Variants in FLVCR2 observed in about 807,000 individuals in gnomAD.
The protein encoded by FLVCR2 is choline/ethanolamine transporter FLVCR2.
In FLVCR2, 38 loss-of-function variants were observed where a neutral mutation model predicts 48.9. That is an observed-to-expected ratio of 0.78 (90% CI 0.60 to 1.02). The LOEUF (loss-of-function observed/expected upper bound fraction) is 1.02, where lower values mean the gene tolerates loss of function less well. FLVCR2 is among the 50% of genes least tolerant of loss of function. FLVCR2 has a pLI of 0.00. For synonymous variants in FLVCR2, 255 were observed against 257.0 expected (o/e 0.99, Z 0.07); for missense variants, 664 against 663.3 (o/e 1.00, Z -0.01).
chr14:75,591,844 TAC>T (rs1888891517), intron 1 of FLVCR2, among the ~76,000 whole-genome samples: 1 of 147,338 alleles, frequency 6.8e-6, no homozygotes, highest in Non-Finnish European at 1.5e-5. Flanking sequence ...CAAAGGGTCT[TAC>T]TCTGTCACCC....
At chr14:75,609,903 A>G in intron 1 of FLVCR2, among the ~76,000 whole-genome samples, 1 of 138,388 alleles carries the variant, frequency 7.2e-6, no homozygotes, top group East Asian at 2.5e-4. Context: ...GTTGGGGGGG[A>G]TAGATGGGGG....
rs762529776 is a variant in FLVCR2, at chr14:75,579,013, C to G, written c.41C>G (p.Thr14Ser). The change falls in exon 1 of 10, where the codon ACC (threonine) becomes AGC (serine). Residue 14 changes from threonine (T) to serine (S), a missense_variant. Coordinates refer to ENST00000238667, the MANE Select transcript of FLVCR2 (RefSeq NM_017791.3). The part of the protein sequence containing the change: ...EGPNQEESDD[T>S]PVPESALQAD... ...CCCAACCAGGAAGAGAGCGATGACACCCCTGTGCCGGAGTCCGCACTCCAA... is the reference window on the plus strand; with the variant it reads ...CCCAACCAGGAAGAGAGCGATGACAGCCCTGTGCCGGAGTCCGCACTCCAA... The G allele has an allele frequency of 4.3e-6, 7 of 1,614,116 alleles. No homozygotes were observed. Among genetic ancestry groups the G allele is most frequent in the African/African-American group, 1.3e-5 (1 of 75,024 alleles).
Position 75,641,229 on chromosome 14 carries a change from C to T in FLVCR2, c.1389C>T (p.Asn463=), listed in dbSNP as rs148765568. 9 of 1,613,928 alleles carry T rather than the reference C, an allele frequency of 5.6e-6. No individual in the cohort carries two copies. The African/African-American group carries it at 9.3e-5, about 17-fold the overall frequency. ...FTISQGQIID[N]YGTKPGNIFL... ...TCTCCCAGGGCCAGATTATTGACAA[C>T]TATGGAACCAAGCCTGGGAACATCT... The change falls in exon 8 of 10, where the codon AAC becomes AAT. Residue 463 remains asparagine, a synonymous_variant. Coordinates refer to ENST00000238667, the MANE Select transcript of FLVCR2 (RefSeq NM_017791.3).
At chr14:75,610,200 A>G (rs1324096347) in intron 1 of FLVCR2, among the ~76,000 whole-genome samples, 1 of 152,096 alleles carries the variant, frequency 6.6e-6, no homozygotes, top group Non-Finnish European at 1.5e-5. Context: ...AGCTAGAGGG[A>G]CATTAATGTA....
intron 9 of FLVCR2, 106 bp downstream of exon 9, chr14:75,642,004 G>A (rs1040657405): frequency 2.0e-6 from 2 of 1,022,840 alleles, no homozygotes; most frequent in Non-Finnish European, 3.1e-6. Flanking sequence ...GACTGGTTTT[G>A]TCATAGCTGG....
At chr14:75,638,373 G>A (rs752420380) in intron 5 of FLVCR2, among the ~76,000 whole-genome samples, 8 of 152,034 alleles carry the variant, frequency 5.3e-5, no homozygotes, top group Non-Finnish European at 1.2e-4. Flanking sequence ...GGAGGCAGAG[G>A]TTGCAGTGAG....
intron 9 of FLVCR2, among the ~76,000 whole-genome samples, chr14:75,644,650 G>C (rs1043988233): frequency 6.6e-6 from 1 of 152,160 alleles, no homozygotes; most frequent in Non-Finnish European, 1.5e-5. Context: ...GGGGGTCAAA[G>C]TCATGCTGGG....
chr14:75,601,575 T>C (rs1455492506), intron 1 of FLVCR2, among the ~76,000 whole-genome samples: 1 of 152,144 alleles, frequency 6.6e-6, no homozygotes, highest in African/African-American at 2.4e-5. Flanking sequence ...CTCTTTTGCA[T>C]TGCTGGTGGG....
chr14:75,582,566 A>G (rs889960682), intron 1 of FLVCR2, among the ~76,000 whole-genome samples: 1 of 152,230 alleles, frequency 6.6e-6, no homozygotes, highest in Non-Finnish European at 1.5e-5. Flanking sequence ...TGGCCAGCCT[A>G]AAACAGTAAG....
chr14:75,624,955 A>G (rs1219593361), intron 3 of FLVCR2, among the ~76,000 whole-genome samples: 1 of 149,668 alleles, frequency 6.7e-6, no homozygotes, highest in Non-Finnish European at 1.5e-5. Context: ...TTCCCATGTC[A>G]GGTTATCTGA....
intron 1 of FLVCR2, among the ~76,000 whole-genome samples, chr14:75,580,196 G>T (rs570113087): frequency 2.0e-5 from 3 of 152,332 alleles, no homozygotes; most frequent in South Asian, 4.1e-4. Context: ...GCCAAGTCCA[G>T]CAGGATGGAG....
At chr14:75,617,918 C>A (rs1211109268) in intron 1 of FLVCR2, among the ~76,000 whole-genome samples, 7 of 152,136 alleles carry the variant, frequency 4.6e-5, no homozygotes, top group Admixed American at 6.6e-5. Context: ...CATTGACTAG[C>A]TGAAACAGGG....
At chr14:75,580,643 G>T (rs1180636626) in intron 1 of FLVCR2, among the ~76,000 whole-genome samples, 1 of 152,020 alleles carries the variant, frequency 6.6e-6, no homozygotes, top group African/African-American at 2.4e-5. Flanking sequence ...ATAGGTTTTG[G>T]GATAGGTGGT....
At chr14:75,620,230 G>A (rs1006099155) in intron 1 of FLVCR2, among the ~76,000 whole-genome samples, 1 of 152,170 alleles carries the variant, frequency 6.6e-6, no homozygotes, top group Non-Finnish European at 1.5e-5. Flanking sequence ...TAGGAAGCCT[G>A]ACTCTGACAA....
chr14:75,583,965 T>G (rs897038983), intron 1 of FLVCR2, among the ~76,000 whole-genome samples: 1 of 152,146 alleles, frequency 6.6e-6, no homozygotes, highest in African/African-American at 2.4e-5. Context: ...CGAGGAGATC[T>G]GGGAAGGAGT....
In FLVCR2 at chr14:75,579,542, C is replaced by T. The variant is rs1377354560; in HGVS notation, c.570C>T (p.Ala190=). The T allele has an allele frequency of 6.2e-7, 1 of 1,613,868 alleles. No individual in the cohort carries two copies. Among genetic ancestry groups the T allele is most frequent in the Non-Finnish European group, 8.5e-7 (1 of 1,179,920 alleles). ...TVVGQLICSV[A]QVFILGMPSR... ...TGGGCCAGCTCATCTGCTCTGTGGC[C>T]CAGGTTTTCATCCTGGGCATGCCCT... The change falls in exon 1 of 10, where the codon GCC becomes GCT. Residue 190 remains alanine, a synonymous_variant. Transcript: ENST00000238667.
At chr14:75,614,625 G>A (rs1422565305) in intron 1 of FLVCR2, among the ~76,000 whole-genome samples, 2 of 152,234 alleles carry the variant, frequency 1.3e-5, no homozygotes, top group Non-Finnish European at 2.9e-5. Context: ...GGATACAGAA[G>A]AGAAGGGTCT....
chr14:75,641,987 C>A (rs1890316694), intron 9 of FLVCR2, 89 bp downstream of exon 9: 2 of 1,179,200 alleles, frequency 1.7e-6, no homozygotes, highest in South Asian at 2.4e-5. Flanking sequence ...GGGAGAACTC[C>A]CACAGGGACT....
chr14:75,609,070 T>A (rs1051774900), intron 1 of FLVCR2, among the ~76,000 whole-genome samples: 8 of 151,956 alleles, frequency 5.3e-5, no homozygotes, highest in Non-Finnish European at 1.0e-4. Context: ...GCCTGTCATG[T>A]GTTTTTTTTT....
Sources: gnomAD v4.1 joint callset for allele counts (sites outside exome capture counted in the v4.1 genomes callset) on GRCh38, gnomAD v4.1.1 for gene constraint, MANE v1.5 for transcripts, NCBI Gene and HGNC (gene_info 2026-07-23, HGNC 2026-07-21) for gene names.